LAMA1: variants seen among roughly 807,000 people sequenced by gnomAD.
LAMA1 encodes the protein laminin subunit alpha 1.
Under a neutral mutation model 348.7 loss-of-function variants are expected in LAMA1, and 219 were observed. The ratio of observed to expected loss-of-function variants is 0.63; its 90% CI spans 0.56 to 0.70. The LOEUF (loss-of-function observed/expected upper bound fraction) is 0.70. Among genes scored for constraint, LAMA1 ranks in the 30% least tolerant of loss-of-function variants. LAMA1 has a pLI of 0.00. For synonymous variants in LAMA1, 1,487 were observed against 1,491.0 expected (o/e 1.00, Z 0.06); for missense variants, 3,744 against 3,888.0 (o/e 0.96, Z 0.99).
rs1367095104 is a variant in LAMA1 at position 6,978,323 on chromosome 18, G to A, written c.6063C>T (p.Ser2021=). 3.5e-5 allele frequency: 56 copies of A among 1,614,180 alleles called. No homozygotes were observed. Among genetic ancestry groups the A allele is most frequent in the Non-Finnish European group, 4.5e-5 (53 of 1,180,038 alleles). Residue 2021 remains serine, a synonymous_variant, in exon 43 of 63, where the codon AGC becomes AGT. Coordinates refer to ENST00000389658, the MANE Select transcript of LAMA1 (RefSeq NM_005559.4). ...TKELATSASQ[S]AVSTLRDVAG... The stretch of plus-strand genomic sequence containing the variant: ...CCACGTCCCTCAGCGTGCTCACCGC[G>A]CTCTGGCTTGCAGACGTGGCCAGCT...
At chr18:7,096,956 G>A (rs1323182830) in intron 1 of LAMA1, among the ~76,000 whole-genome samples, 1 of 152,202 alleles carries the variant, frequency 6.6e-6, no homozygotes, top group Non-Finnish European at 1.5e-5. Context: ...CGGCAGGGGA[G>A]TTTCCTAAGG....
chr18:6,950,847 C>A lies in LAMA1; in HGVS notation c.8332G>T (p.Asp2778Tyr). Reference protein sequence around the residue: ...LHGGRLHFMFDLGKGRTKVSH... With the variant: ...LHGGRLHFMFYLGKGRTKVSH... ...ACCTTTGTTCTGCCTTTGCCAAGGTCAAACATGAAGTGGAGGCGGCCCCCG... is the reference window on the plus strand; with the variant it reads ...ACCTTTGTTCTGCCTTTGCCAAGGTAAAACATGAAGTGGAGGCGGCCCCCG... The change falls in exon 58 of 63, where the codon GAC becomes TAC. Residue 2778 changes from aspartate (D) to tyrosine (Y), a missense_variant. Around this residue, in one of 3 missense-constraint regions of LAMA1, gnomAD observed 1,983 missense variants for 1,934.3 expected, o/e 1.03. Transcript: ENST00000389658. 6.2e-7 allele frequency: 1 copy of A among 1,614,150 alleles called. No homozygotes were observed. Among genetic ancestry groups the A allele is most frequent in the South Asian group, 1.1e-5 (1 of 91,074 alleles).
intron 22 of LAMA1, among the ~76,000 whole-genome samples, chr18:7,014,453 C>A (rs2057876372): frequency 6.6e-6 from 1 of 152,046 alleles, no homozygotes; most frequent in South Asian, 2.1e-4. Context: ...AGACCCCCGT[C>A]TCTACAAATA....
intron 1 of LAMA1, among the ~76,000 whole-genome samples, chr18:7,098,468 C>T (rs533147558): frequency 5.6e-4 from 84 of 150,942 alleles, no homozygotes; most frequent in African/African-American, 1.8e-3. Flanking sequence ...GGCCGCCCAT[C>T]GTCTAAGATG....
In LAMA1 at chr18:6,978,309, A is replaced by G. The variant is rs1200285283; in HGVS notation, c.6077T>C (p.Leu2026Pro). The change falls in exon 43 of 63, where the codon CTG becomes CCG. Residue 2026 changes from leucine (L) to proline (P), a missense_variant. By Grantham distance (98) the Leu-to-Pro change is moderately conservative. Coordinates refer to ENST00000389658, the MANE Select transcript of LAMA1 (RefSeq NM_005559.4). ...TSASQSAVST[L>P]RDVAGLSQEL... The stretch of plus-strand genomic sequence containing the variant: ...CTGGCTCAGCCCCGCCACGTCCCTC[A>G]GCGTGCTCACCGCGCTCTGGCTTGC... The G allele has an allele frequency of 1.9e-6, 3 of 1,614,106 alleles. No individual in the cohort carries two copies. Among genetic ancestry groups the G allele is most frequent in the Non-Finnish European group, 1.7e-6 (2 of 1,180,050 alleles).
chr18:7,106,761 T>C (rs1454448590), intron 1 of LAMA1, among the ~76,000 whole-genome samples: 4 of 152,072 alleles, frequency 2.6e-5, no homozygotes, highest in African/African-American at 9.7e-5. Flanking sequence ...TGAAATTTAA[T>C]GTGCAGCCCA....
intron 48 of LAMA1, among the ~76,000 whole-genome samples, chr18:6,968,383 G>A (rs1183897946): frequency 2.6e-5 from 4 of 152,140 alleles, no homozygotes; most frequent in African/African-American, 4.8e-5. Flanking sequence ...ACCCTGGCCC[G>A]GGCTTGGGAT....
intron 1 of LAMA1, among the ~76,000 whole-genome samples, chr18:7,083,242 G>A (rs559663085): frequency 1.3e-5 from 2 of 149,442 alleles, no homozygotes; most frequent in African/African-American, 2.5e-5. Flanking sequence ...CTGGAGTGCA[G>A]TGGCACGATC....
intron 12 of LAMA1, among the ~76,000 whole-genome samples, chr18:7,036,491 T>A (rs1441711907): frequency 6.6e-6 from 1 of 152,226 alleles, no homozygotes; most frequent in East Asian, 1.9e-4. Flanking sequence ...AAAGAATATG[T>A]CTGATTTGCT....
At chr18:6,975,195 G>C (rs932053729) in intron 45 of LAMA1, among the ~76,000 whole-genome samples, 159 bp from the exon 46 acceptor site, 1 of 152,134 alleles carries the variant, frequency 6.6e-6, no homozygotes, top group African/African-American at 2.4e-5. Context: ...TGTTTGAAAT[G>C]GTCCCTTCCC....
Position 7,037,562 on chromosome 18 carries a change from G to A in LAMA1, c.1737+16C>T. On this transcript the variant is annotated intron_variant, in intron 12 of 62. Coordinates refer to ENST00000389658, the MANE Select transcript of LAMA1 (RefSeq NM_005559.4). ...ATCTTCATCTGAGACATCGCTACCTGCAGGGTCACACGCACCTTATTTCCA... is the reference window on the plus strand; with the variant it reads ...ATCTTCATCTGAGACATCGCTACCTACAGGGTCACACGCACCTTATTTCCA... 1.2e-6 allele frequency: 2 copies of A among 1,613,664 alleles called. No individual in the cohort carries two copies. The highest frequency in any genetic ancestry group is 1.7e-5 in the Admixed American group (1 of 60,008).
chr18:7,023,806 A>G (rs1030902580), intron 18 of LAMA1, among the ~76,000 whole-genome samples: 5 of 152,076 alleles, frequency 3.3e-5, no homozygotes, highest in Non-Finnish European at 7.4e-5. Flanking sequence ...TGTGAACCAC[A>G]GATACCGACT....
chr18:7,114,949 G>C (rs1226957105), intron 1 of LAMA1, among the ~76,000 whole-genome samples: 1 of 152,102 alleles, frequency 6.6e-6, no homozygotes, highest in Non-Finnish European at 1.5e-5. Context: ...TGATGCATTT[G>C]AATTCTCAAT....
intron 19 of LAMA1, among the ~76,000 whole-genome samples, chr18:7,018,464 C>T (rs1365016807): frequency 6.8e-6 from 1 of 146,540 alleles, no homozygotes; most frequent in Admixed American, 6.8e-5. Flanking sequence ...GGCGTGATCT[C>T]AGCTCACTGC....
chr18:7,059,715 T>C (rs1236175683), intron 3 of LAMA1, among the ~76,000 whole-genome samples: 1 of 152,210 alleles, frequency 6.6e-6, no homozygotes, highest in Non-Finnish European at 1.5e-5. Context: ...ATACCAGGCA[T>C]GACTCCGGTC....
In LAMA1 at chr18:7,049,173, GA is replaced by G; in HGVS notation, c.672del (p.Arg225AlafsTer15). 1 of 1,614,194 alleles carries G rather than the reference GA, an allele frequency of 6.2e-7. No homozygotes were observed. Among genetic ancestry groups the G allele is most frequent in the Non-Finnish European group, 8.5e-7 (1 of 1,180,014 alleles). On this transcript the variant is annotated frameshift_variant, in exon 5 of 63. Coordinates refer to ENST00000389658, the MANE Select transcript of LAMA1 (RefSeq NM_005559.4). LOFTEE classifies it high-confidence loss of function. The part of the protein sequence containing the change: ...KLLEFTSARY[I>X]RLRLQRIRTL... Reference sequence around the variant, plus strand: ...GTTCTAATGCGTTGCAAGCGAAGGCGAATATATCGTGCAGAAGTGAATTCCA... The same window carrying G: ...GTTCTAATGCGTTGCAAGCGAAGGCGATATATCGTGCAGAAGTGAATTCCA...
intron 37 of LAMA1, 126 bp from the exon 38 acceptor site, chr18:6,985,769 T>C: frequency 1.4e-6 from 1 of 696,370 alleles, no homozygotes; most frequent in Non-Finnish European, 2.5e-6. Flanking sequence ...AAAGTTATTT[T>C]CATTTTTTGA....
chr18:7,066,877 T>A (rs1324330735), intron 3 of LAMA1, among the ~76,000 whole-genome samples: 1 of 152,214 alleles, frequency 6.6e-6, no homozygotes, highest in African/African-American at 2.4e-5. Context: ...ATAATCTAAT[T>A]TTTTGGAATC....
At position 7,044,713 on chromosome 18, in the gene LAMA1, T is replaced by C. The variant is rs1439861105; in HGVS notation, c.976+9A>G. 6.2e-6 allele frequency: 10 copies of C among 1,603,400 alleles called. No homozygotes were observed. The highest frequency in any genetic ancestry group is 1.7e-5 in the Admixed American group (1 of 59,974). On this transcript the variant is annotated intron_variant, in intron 7 of 62. Transcript: ENST00000389658. ...ACTGTACTGACCTTCAGATTCTAAG[T>C]ATACTGACCTTCACATGTATTGCCG...
Sources: gnomAD v4.1 joint callset for allele counts (sites outside exome capture counted in the v4.1 genomes callset) on GRCh38, gnomAD v4.1.1 for gene constraint, gnomAD v4.1.1 regional missense constraint, MANE v1.5 for transcripts, NCBI Gene and HGNC (gene_info 2026-07-23, HGNC 2026-07-21) for gene names.